The following UNC13C variants were observed in gnomAD, a reference collection of about 807,000 sequenced individuals.
UNC13C encodes unc-13 homolog C, also known as protein unc-13 homolog C.
UNC13C carries 174 observed loss-of-function variants against 245.4 expected under a neutral mutation model. That is an observed-to-expected ratio of 0.71 (90% confidence interval 0.63 to 0.80). The LOEUF is 0.80. Ranked by LOEUF, UNC13C falls within the 30% of genes least tolerant of loss-of-function variation. The probability of loss-of-function intolerance (pLI) is 0.00; values close to 1 mark genes in which losing one functional copy is unlikely to be tolerated. For synonymous variants in UNC13C, 992 were observed against 895.1 expected (o/e 1.11, Z -1.93); for missense variants, 2,829 against 2,602.9 (o/e 1.09, Z -1.89).
intron 1 of UNC13C, among the ~76,000 whole-genome samples, chr15:53,996,456 T>A (rs925404004): frequency 6.6e-6 from 1 of 152,334 alleles, no homozygotes; most frequent in African/African-American, 2.4e-5. Context: ...TTTTTCTGTA[T>A]ATATTCGTAT....
chr15:54,239,538 C>A (rs78546837), intron 7 of UNC13C, among the ~76,000 whole-genome samples: 5 of 152,194 alleles, frequency 3.3e-5, no homozygotes, highest in South Asian at 2.1e-4. Context: ...GCAGCCTCAA[C>A]CTTCAGAGCT....
intron 17 of UNC13C, among the ~76,000 whole-genome samples, chr15:54,392,291 T>G (rs2039975302): frequency 6.6e-6 from 1 of 152,084 alleles, no homozygotes; most frequent in African/African-American, 2.4e-5. Flanking sequence ...AGATTGATAT[T>G]GTACTCTGTT....
intron 17 of UNC13C, among the ~76,000 whole-genome samples, chr15:54,375,252 G>A (rs1237192304): frequency 1.3e-5 from 2 of 152,152 alleles, no homozygotes; most frequent in African/African-American, 2.4e-5. Context: ...CAAATGAAAG[G>A]TTTATTCAAA....
Position 54,627,355 on chromosome 15 carries a change from T to A in UNC13C, c.*242T>A, listed in dbSNP as rs1026076914. The A allele has an allele frequency of 3.0e-6, 1 of 335,864 alleles. No homozygotes were observed. The highest frequency in any genetic ancestry group is 5.4e-6 in the Non-Finnish European group (1 of 184,418). The allele number at this position is 335,864 out of a possible 1,614,324, so 20.8% of individuals were successfully genotyped here. ...AATATCAAGAACACCTTTTAACATG[T>A]TTATTTTGTTTCTTTACCCATTTCA... On this transcript the variant is annotated 3_prime_UTR_variant, in exon 33 of 33. Coordinates refer to ENST00000260323, the MANE Select transcript of UNC13C (RefSeq NM_001080534.3).
chr15:54,554,390 C>G (rs562383986), intron 28 of UNC13C, among the ~76,000 whole-genome samples: 29 of 152,094 alleles, frequency 1.9e-4, no homozygotes, highest in Non-Finnish European at 4.1e-4. Context: ...CAAAATTGAG[C>G]CCATGTTCCA....
intron 19 of UNC13C, among the ~76,000 whole-genome samples, chr15:54,438,866 C>T (rs1890367181): frequency 6.6e-6 from 1 of 151,914 alleles, no homozygotes; most frequent in Non-Finnish European, 1.5e-5. Context: ...AAGTTCTTCC[C>T]TCACCTTTAC....
chr15:54,486,895 A>T (rs912248537), intron 19 of UNC13C, among the ~76,000 whole-genome samples: 1 of 152,172 alleles, frequency 6.6e-6, no homozygotes, highest in African/African-American at 2.4e-5. Flanking sequence ...AAGTCATATC[A>T]TGGAGTGACT....
chr15:54,383,179 C>G (rs1161661651), intron 17 of UNC13C, among the ~76,000 whole-genome samples: 3 of 152,124 alleles, frequency 2.0e-5, no homozygotes, highest in African/African-American at 7.2e-5. Flanking sequence ...AGAATTCTCC[C>G]TACTCATTCT....
At chr15:54,167,318 T>C (rs1323017812) in intron 4 of UNC13C, among the ~76,000 whole-genome samples, 1 of 151,486 alleles carries the variant, frequency 6.6e-6, no homozygotes, top group Non-Finnish European at 1.5e-5. Flanking sequence ...CTGGCTGACA[T>C]GGTGAAACCC....
chr15:54,488,240 C>T (rs1262440991), intron 19 of UNC13C, among the ~76,000 whole-genome samples: 7 of 152,222 alleles, frequency 4.6e-5, no homozygotes, highest in African/African-American at 9.6e-5. Context: ...TTAGAACCAA[C>T]GTTTCCTGGT....
chr15:54,027,269 G>C (rs1195499277), intron 2 of UNC13C, among the ~76,000 whole-genome samples: 1 of 152,094 alleles, frequency 6.6e-6, no homozygotes, highest in Non-Finnish European at 1.5e-5. Flanking sequence ...ATTTTTCGGA[G>C]ATTTTATTTT....
At chr15:54,494,290 A>G (rs1485258509) in intron 19 of UNC13C, among the ~76,000 whole-genome samples, 2 of 152,150 alleles carry the variant, frequency 1.3e-5, no homozygotes, top group African/African-American at 2.4e-5. Flanking sequence ...AAGCAGTAAA[A>G]ATATGAAAAT....
At chr15:54,039,539 G>A (rs719735) in intron 2 of UNC13C, among the ~76,000 whole-genome samples, 6,894 of 152,044 alleles carry the variant, frequency 0.045, 434 homozygotes, top group African/African-American at 0.14. Flanking sequence ...CTTTGAGCAT[G>A]TTCACTTCCA....
At chr15:54,599,741 C>G (rs1899303550) in intron 30 of UNC13C, among the ~76,000 whole-genome samples, 1 of 152,060 alleles carries the variant, frequency 6.6e-6, no homozygotes, top group South Asian at 2.1e-4. Flanking sequence ...CACATACAGA[C>G]AAATTTTCTC....
intron 29 of UNC13C, among the ~76,000 whole-genome samples, chr15:54,557,295 T>C (rs1363501263): frequency 6.6e-6 from 1 of 151,900 alleles, no homozygotes; most frequent in African/African-American, 2.4e-5. Flanking sequence ...CAACTCTTTC[T>C]CTAGGCACCT....
intron 4 of UNC13C, among the ~76,000 whole-genome samples, chr15:54,229,360 T>C (rs1339701638): frequency 6.6e-6 from 1 of 152,174 alleles, no homozygotes; most frequent in Non-Finnish European, 1.5e-5. Context: ...AAGGTGTTTT[T>C]TGGTGGATGC....
chr15:54,254,585 G>A (rs2036231583), intron 8 of UNC13C, among the ~76,000 whole-genome samples: 1 of 152,164 alleles, frequency 6.6e-6, no homozygotes, highest in South Asian at 2.1e-4. Context: ...TTCCATATAG[G>A]CATACGCTAT....
At chr15:54,091,080 G>C (rs912948972) in intron 2 of UNC13C, among the ~76,000 whole-genome samples, 1 of 149,888 alleles carries the variant, frequency 6.7e-6, no homozygotes, top group African/African-American at 2.4e-5. Flanking sequence ...GGGGAGGGGG[G>C]TTGCCTCAGT....
chr15:54,414,593 G>A (rs2040480495), intron 18 of UNC13C, among the ~76,000 whole-genome samples: 1 of 152,070 alleles, frequency 6.6e-6, no homozygotes, highest in Admixed American at 6.5e-5. Context: ...ATTGCAGTGA[G>A]CCAAAATGGC....
Sources: gnomAD v4.1 joint callset for allele counts (sites outside exome capture counted in the v4.1 genomes callset) on GRCh38, gnomAD v4.1.1 for gene constraint, MANE v1.5 for transcripts, NCBI Gene and HGNC (gene_info 2026-07-23, HGNC 2026-07-21) for gene names.